Variants in SERPINE3 observed in about 807,000 individuals in gnomAD.
SERPINE3 encodes the protein serpin family E member 3, also known as serpin E3.
SERPINE3 carries 43 observed loss-of-function variants against 41.7 expected under a neutral mutation model. The ratio of observed to expected loss-of-function variants is 1.03; its 90% CI spans 0.81 to 1.33. The LOEUF (loss-of-function observed/expected upper bound fraction) is 1.33, where lower values mean the gene tolerates loss of function less well. SERPINE3 is among the 40% of genes most tolerant of loss of function. The probability of loss-of-function intolerance (pLI) is 0.00; values close to 1 mark genes in which losing one functional copy is unlikely to be tolerated. For missense variants in SERPINE3, 440 were observed against 491.7 expected (o/e 0.89, Z 0.99); for synonymous variants, 200 against 192.2 (o/e 1.04, Z -0.34).
At chr13:51,363,461 A>G (rs893762655) in intron 9 of SERPINE3, 1 of 151,864 alleles carries the variant, frequency 6.6e-6, no homozygotes, top group Admixed American at 6.6e-5. Context: ...TCTTACTAAG[A>G]GCAACTAATG....
At chr13:51,345,003 G>A (rs79501671) in intron 4 of SERPINE3, among the ~76,000 whole-genome samples, 1,727 of 152,314 alleles carry the variant, frequency 0.011, 25 homozygotes, top group East Asian at 0.071. Context: ...CCAGCAATGA[G>A]GTGTGAATCA....
Position 51,364,309 on chromosome 13 carries a change from C to T in SERPINE3, c.*27C>T. Reference sequence around the variant, plus strand: ...TGCATGTTCTCCACTTTCATCAATGCTTTTCTTCATAAAGTTATAATTTCA... The same window carrying T: ...TGCATGTTCTCCACTTTCATCAATGTTTTTCTTCATAAAGTTATAATTTCA... On this transcript the variant is annotated 3_prime_UTR_variant, in exon 10 of 10. Transcript: ENST00000681248. 7.5e-7 allele frequency: 1 copy of T among 1,335,808 alleles called. No individual in the cohort carries two copies. The highest frequency in any genetic ancestry group is 1.0e-6 in the Non-Finnish European group (1 of 981,126). The allele number at this position is 1,335,808 out of a possible 1,614,324, so 82.7% of individuals were successfully genotyped here. A position where few individuals can be genotyped will look rare whatever the true frequency, so the allele number is the denominator to read the frequency against.
At chr13:51,347,266 G>T (rs1180917564) in intron 5 of SERPINE3, 32 bp downstream of exon 5, 1 of 1,595,936 alleles carries the variant, frequency 6.3e-7, no homozygotes, top group Non-Finnish European at 8.6e-7. Flanking sequence ...TTGTCTAAAG[G>T]GAGAGGAAGC....
Position 51,347,075 on chromosome 13 carries a change from G to A in SERPINE3, c.541G>A (p.Ala181Thr). 6.2e-7 allele frequency: 1 copy of A among 1,604,536 alleles called. No homozygotes were observed. The highest frequency in any genetic ancestry group is 8.5e-7 in the Non-Finnish European group (1 of 1,175,556). ...PGGWPWEQVS[A>T]AFAQLVLVST... is the part of the protein sequence containing the mutation. The stretch of plus-strand genomic sequence containing the variant: ...TGGCTGGCCGTGGGAGCAAGTCAGT[G>A]CAGCATTTGCTCAGCTTGTGCTTGT... The change falls in exon 5 of 10, where the codon GCA becomes ACA. Residue 181 changes from alanine (A) to threonine (T), a missense_variant. Physicochemically the swap from Ala to Thr is moderately conservative, Grantham distance 58. Coordinates refer to ENST00000681248, the MANE Select transcript of SERPINE3 (RefSeq NM_001386375.1).
chr13:51,341,775 A>C (rs1184371105), intron 3 of SERPINE3, among the ~76,000 whole-genome samples: 1 of 152,158 alleles, frequency 6.6e-6, no homozygotes, highest in Non-Finnish European at 1.5e-5. Context: ...GAGGATGATA[A>C]TTTTATTATC....
intron 7 of SERPINE3, among the ~76,000 whole-genome samples, chr13:51,360,517 T>C (rs1472157623): frequency 6.6e-6 from 1 of 152,046 alleles, no homozygotes; most frequent in Non-Finnish European, 1.5e-5. Flanking sequence ...TTGGAGCTGT[T>C]TAAAAATGGT....
intron 9 of SERPINE3, chr13:51,362,374 T>G (rs750867762): frequency 5.4e-4 from 93 of 171,412 alleles, no homozygotes; most frequent in Non-Finnish European, 8.5e-4. Context: ...ATCAAATGTT[T>G]GCCCTAGTAC....
Position 51,361,363 on chromosome 13 carries a change from A to G in SERPINE3, c.1086A>G (p.Thr362=). 1 of 1,593,358 alleles carries G rather than the reference A, an allele frequency of 6.3e-7. No homozygotes were observed. Among genetic ancestry groups the G allele is most frequent in the Non-Finnish European group, 8.6e-7 (1 of 1,163,172 alleles). ...AAGGCACCAAGGCATCTGGAGCCAC[A>G]GGTATGTTCAGAGAATACCCAGTCA... ...LEEGTKASGA[T]ALLLLKRSRI... Residue 362 remains threonine (T), a splice_region_variant and synonymous_variant, in exon 8 of 10, where the codon ACA becomes ACG. Coordinates refer to ENST00000681248, the MANE Select transcript of SERPINE3 (RefSeq NM_001386375.1).
intron 2 of SERPINE3, 105 bp downstream of exon 2, chr13:51,340,966 G>A (rs955313669): frequency 1.3e-4 from 145 of 1,097,024 alleles, no homozygotes; most frequent in African/African-American, 1.6e-4. Context: ...TCCCTCAGCC[G>A]TCCCTAGCCC....
chr13:51,348,153 C>T, intron 5 of SERPINE3, 60 bp from the exon 6 acceptor site: 1 of 1,331,070 alleles, frequency 7.5e-7, no homozygotes, highest in Non-Finnish European at 1.0e-6. Context: ...CAGGGTCCGA[C>T]ACTGGTTCAT....
intron 9 of SERPINE3, chr13:51,362,245 T>A (rs1423454798): frequency 7.1e-6 from 3 of 420,810 alleles, no homozygotes; most frequent in Non-Finnish European, 4.0e-6. Flanking sequence ...CCCCTAGCTT[T>A]CTTATCATTT....
At chr13:51,358,124 A>ACT (rs1238478896) in intron 7 of SERPINE3, among the ~76,000 whole-genome samples, 1 of 151,370 alleles carries the variant, frequency 6.6e-6, no homozygotes. Context: ...TCTTCTTAGC[A>ACT]CTCTCTCTCC....
At chr13:51,363,909 TTC>T (rs1955633478) in intron 9 of SERPINE3, 1 of 174,082 alleles carries the variant, frequency 5.7e-6, no homozygotes, top group East Asian at 1.5e-4. Context: ...AAATAAAACT[TTC>T]TGATAAGGAA....
At chr13:51,351,507 T>C (rs967375260) in intron 6 of SERPINE3, among the ~76,000 whole-genome samples, 1 of 152,144 alleles carries the variant, frequency 6.6e-6, no homozygotes, top group African/African-American at 2.4e-5. Flanking sequence ...ATTATTGAGT[T>C]GTAATAGTTC....
At chr13:51,350,125 G>A (rs931284683) in intron 6 of SERPINE3, among the ~76,000 whole-genome samples, 9 of 152,062 alleles carry the variant, frequency 5.9e-5, no homozygotes, top group African/African-American at 1.2e-4. Flanking sequence ...GGCATTTTTC[G>A]TTTAACAAGA....
At chr13:51,350,080 T>C (rs1187285667) in intron 6 of SERPINE3, among the ~76,000 whole-genome samples, 2 of 152,174 alleles carry the variant, frequency 1.3e-5, no homozygotes, top group Non-Finnish European at 2.9e-5. Flanking sequence ...AAATCACTCA[T>C]TCTTCTTTTA....
In SERPINE3 at chr13:51,346,099, G is replaced by A. The variant is rs567537571; in HGVS notation, c.491-926G>A. 1.4e-4 allele frequency among the ~76,000 whole-genome samples: 21 copies of A among 152,278 alleles called. No homozygotes were observed. The South Asian group carries it at 1.5e-3, about 11-fold the overall frequency. On this transcript the variant is annotated intron_variant, in intron 4 of 9. Transcript: ENST00000681248. Reference sequence around the variant, plus strand: ...AATAATAGAACTGTTAGGAGGAGTCGGTGAGGATTTGCTAAAGCACTTAGA... The same window carrying A: ...AATAATAGAACTGTTAGGAGGAGTCAGTGAGGATTTGCTAAAGCACTTAGA...
Position 51,348,293 on chromosome 13 carries a change from G to T in SERPINE3, c.781G>T (p.Val261Leu), listed in dbSNP as rs1360992229. The T allele has an allele frequency of 6.2e-7, 1 of 1,611,998 alleles. No homozygotes were observed. The highest frequency in any genetic ancestry group is 1.3e-5 in the African/African-American group (1 of 74,868). The change falls in exon 6 of 10, where the codon GTG becomes TTG. Residue 261 changes from valine (V) to leucine (L), a missense_variant. By Grantham distance (32) the Val-to-Leu change is conservative. Transcript: ENST00000681248. ...GGGAAGTGCAGTGAGTCTGTTCCTG[G>T]TGCTGCCCCGTGACAAAGACACCCC... ...YLGSAVSLFL[V>L]LPRDKDTPLS...
intron 4 of SERPINE3, among the ~76,000 whole-genome samples, chr13:51,344,762 A>G (rs937384079): frequency 1.3e-5 from 2 of 152,176 alleles, no homozygotes; most frequent in African/African-American, 4.8e-5. Context: ...TGTGCTCTTC[A>G]GAGCCTCCCA....
Sources: allele counts gnomAD v4.1 joint callset (sites outside exome capture counted in the v4.1 genomes callset), GRCh38; gene constraint gnomAD v4.1.1; transcripts MANE v1.5; gene names NCBI Gene and HGNC (gene_info 2026-07-23, HGNC 2026-07-21).